Variants in EPHA3 observed in about 807,000 individuals in gnomAD.
EPHA3 encodes ephrin type-A receptor 3.
Under a neutral mutation model 107.1 loss-of-function variants are expected in EPHA3, and 42 were observed. The observed-to-expected ratio is 0.39, with a 90% CI of 0.31 to 0.51. The LOEUF is 0.51. EPHA3 is among the 20% of genes least tolerant of loss of function. The pLI, the probability that EPHA3 is intolerant of heterozygous loss-of-function variation, is 0.78. For missense variants in EPHA3, 1,183 were observed against 1,211.2 expected, an observed-to-expected ratio of 0.98 and a Z score of 0.35; for synonymous variants, 461 against 424.8, an observed-to-expected ratio of 1.09 and a Z score of -1.05.
chr3:89,343,116 T>G (rs981763892), intron 5 of EPHA3, among the ~76,000 whole-genome samples: 6 of 152,160 alleles, frequency 3.9e-5, no homozygotes, highest in Admixed American at 3.9e-4. Flanking sequence ...TCAGAATGTG[T>G]CCTGGATGCT....
At chr3:89,290,355 A>G (rs1293618081) in intron 3 of EPHA3, among the ~76,000 whole-genome samples, 6 of 152,144 alleles carry the variant, frequency 3.9e-5, no homozygotes, top group East Asian at 1.9e-4. Flanking sequence ...TGATGAATCA[A>G]CGAATGAAAA....
chr3:89,456,282 A>G (rs1275619262), intron 15 of EPHA3, among the ~76,000 whole-genome samples: 1 of 152,220 alleles, frequency 6.6e-6, no homozygotes, highest in Non-Finnish European at 1.5e-5. Context: ...GGCTGGTACA[A>G]AGCATTCAAG....
intron 3 of EPHA3, among the ~76,000 whole-genome samples, chr3:89,291,635 T>C (rs923554464): frequency 3.9e-5 from 6 of 152,152 alleles, no homozygotes; most frequent in African/African-American, 1.4e-4. Context: ...TTATGGTCAA[T>C]TGTAGGCACT....
intron 13 of EPHA3, among the ~76,000 whole-genome samples, chr3:89,432,260 T>G (rs1709583452): frequency 6.6e-6 from 1 of 152,200 alleles, no homozygotes; most frequent in Non-Finnish European, 1.5e-5. Flanking sequence ...TAAAACTAGG[T>G]ATTTTCATTA....
At chr3:89,352,994 T>C (rs1477839100) in intron 5 of EPHA3, among the ~76,000 whole-genome samples, 1 of 151,008 alleles carries the variant, frequency 6.6e-6, no homozygotes, top group Non-Finnish European at 1.5e-5. Context: ...CTAAGTTTTC[T>C]GTAGTTTCAT....
chr3:89,259,372 G>C (rs1705362746), intron 3 of EPHA3, among the ~76,000 whole-genome samples: 1 of 152,038 alleles, frequency 6.6e-6, no homozygotes, highest in Non-Finnish European at 1.5e-5. Context: ...AATGAATTTT[G>C]TAATAAAACA....
chr3:89,115,258 T>TC (rs1707225025), intron 1 of EPHA3, among the ~76,000 whole-genome samples: 1 of 152,048 alleles, frequency 6.6e-6, no homozygotes, highest in African/African-American at 2.4e-5. Context: ...TTTTTTTTTT[T>TC]TAGAAAAATT....
intron 2 of EPHA3, among the ~76,000 whole-genome samples, chr3:89,207,981 A>T (rs1300852396): frequency 6.6e-6 from 1 of 152,176 alleles, no homozygotes; most frequent in African/African-American, 2.4e-5. Context: ...TAGGGGATTC[A>T]ATAAGGGTTC....
intron 3 of EPHA3, among the ~76,000 whole-genome samples, chr3:89,256,977 T>C (rs1705300738): frequency 6.6e-6 from 1 of 152,202 alleles, no homozygotes; most frequent in Non-Finnish European, 1.5e-5. Context: ...ATACAGATTG[T>C]AAATATTAAA....
chr3:89,298,499 T>C (rs763407608), intron 3 of EPHA3, among the ~76,000 whole-genome samples: 2 of 152,324 alleles, frequency 1.3e-5, no homozygotes, highest in South Asian at 4.1e-4. Context: ...TTGCCTGATA[T>C]CCAGTGACTT....
At chr3:89,404,660 A>G (rs1438131652) in intron 7 of EPHA3, among the ~76,000 whole-genome samples, 1 of 152,198 alleles carries the variant, frequency 6.6e-6, no homozygotes, top group Non-Finnish European at 1.5e-5. Flanking sequence ...AAATGATCTG[A>G]TTTAGTTATG....
At chr3:89,268,716 C>T (rs1705593680) in intron 3 of EPHA3, among the ~76,000 whole-genome samples, 1 of 152,036 alleles carries the variant, frequency 6.6e-6, no homozygotes, top group South Asian at 2.1e-4. Context: ...GTCTATAGCA[C>T]TTTAGCTATA....
intron 2 of EPHA3, among the ~76,000 whole-genome samples, chr3:89,182,872 G>T (rs1705476419): frequency 1.3e-5 from 2 of 151,536 alleles, no homozygotes; most frequent in African/African-American, 2.4e-5. Context: ...TTCATTACTG[G>T]TTTTCAGAAT....
intron 3 of EPHA3, among the ~76,000 whole-genome samples, chr3:89,220,674 G>A (rs1227260429): frequency 1.3e-5 from 2 of 152,246 alleles, no homozygotes; most frequent in African/African-American, 2.4e-5. Context: ...ATATTCTGAC[G>A]TGCTGACATG....
chr3:89,219,693 TTTTTTTTTTG>T (rs1280047040), intron 3 of EPHA3, among the ~76,000 whole-genome samples: 136 of 11,784 alleles, frequency 0.012, 19 homozygotes, highest in Admixed American at 0.016. Context: ...GCAATGTTTT[TTTTTTTTTTG>T]TTTTTTGTTT....
chr3:89,294,480 C>A (rs1393094221), intron 3 of EPHA3, among the ~76,000 whole-genome samples: 1 of 151,820 alleles, frequency 6.6e-6, no homozygotes, highest in Non-Finnish European at 1.5e-5. Context: ...TCATTTATTC[C>A]TTGAACTTTG....
At chr3:89,211,835 C>A (rs1704107188) in intron 3 of EPHA3, among the ~76,000 whole-genome samples, 1 of 147,636 alleles carries the variant, frequency 6.8e-6, no homozygotes, top group Non-Finnish European at 1.5e-5. Flanking sequence ...TCCTCCTCCT[C>A]CTCTTTCTTT....
In EPHA3 at chr3:89,460,158, G is replaced by T. The variant is rs539614439; in HGVS notation, c.2690+9788G>T. On this transcript the variant is annotated intron_variant, in intron 15 of 16. Transcript: ENST00000336596. ...TTATTGACAATATTAATTTTGAAGA[G>T]ATGTATGTGTGTGCATATGTGTGTA... 7.2e-5 allele frequency among the ~76,000 whole-genome samples: 11 copies of T among 152,134 alleles called. No individual in the cohort carries two copies. The South Asian group carries it at 2.3e-3, about 32-fold the overall frequency.
intron 3 of EPHA3, among the ~76,000 whole-genome samples, chr3:89,248,080 C>A (rs1389642099): frequency 6.6e-6 from 1 of 152,106 alleles, no homozygotes; most frequent in African/African-American, 2.4e-5. Flanking sequence ...ATCAAGTCAC[C>A]TTACTATTTA....
Sources: gnomAD v4.1 joint callset for allele counts (sites outside exome capture counted in the v4.1 genomes callset) on GRCh38, gnomAD v4.1.1 for gene constraint, MANE v1.5 for transcripts, NCBI Gene and HGNC (gene_info 2026-07-23, HGNC 2026-07-21) for gene names.